The following ADGRB3 variants were observed in gnomAD, a reference collection of about 807,000 sequenced individuals.
The protein encoded by ADGRB3 is adhesion G protein-coupled receptor B3.
ADGRB3 carries 37 observed loss-of-function variants against 193.4 expected under a neutral mutation model. The observed-to-expected ratio is 0.19, with a 90% CI of 0.15 to 0.25. The LOEUF is 0.25. ADGRB3 is among the 10% of genes least tolerant of loss of function. The pLI is 1.00. For missense variants in ADGRB3, 1,637 were observed against 1,852.9 expected, an observed-to-expected ratio of 0.88 and a Z score of 2.14; for synonymous variants, 690 against 644.2, an observed-to-expected ratio of 1.07 and a Z score of -1.08.
intron 3 of ADGRB3, among the ~76,000 whole-genome samples, chr6:68,929,083 A>T (rs1382667434): frequency 6.6e-6 from 1 of 152,190 alleles, no homozygotes; most frequent in Non-Finnish European, 1.5e-5. Flanking sequence ...ACTGAATGGA[A>T]TGAAAGGATG....
At chr6:68,924,433 T>C (rs1380631457) in intron 3 of ADGRB3, among the ~76,000 whole-genome samples, 2 of 152,076 alleles carry the variant, frequency 1.3e-5, no homozygotes, top group Non-Finnish European at 2.9e-5. Flanking sequence ...ATCTATTATA[T>C]GTAATTATTT....
At chr6:68,698,443 A>G (rs1002547078) in intron 3 of ADGRB3, among the ~76,000 whole-genome samples, 2 of 152,014 alleles carry the variant, frequency 1.3e-5, no homozygotes, top group Non-Finnish European at 2.9e-5. Context: ...TTCAAAATAA[A>G]TAGGAACTCT....
chr6:69,113,700 G>C (rs924673748), intron 17 of ADGRB3, among the ~76,000 whole-genome samples: 1 of 152,018 alleles, frequency 6.6e-6, no homozygotes, highest in African/African-American at 2.4e-5. Flanking sequence ...ACATGAATGA[G>C]GCAATTAGTC....
At chr6:69,358,672 C>T (rs918462490) in intron 28 of ADGRB3, among the ~76,000 whole-genome samples, 2 of 151,800 alleles carry the variant, frequency 1.3e-5, no homozygotes, top group Non-Finnish European at 2.9e-5. Context: ...GGCAGCATTT[C>T]CATCTGATCA....
At chr6:68,839,818 GT>G (rs1488493990) in intron 3 of ADGRB3, among the ~76,000 whole-genome samples, 1 of 152,170 alleles carries the variant, frequency 6.6e-6, no homozygotes, top group Non-Finnish European at 1.5e-5. Flanking sequence ...AGGAAAGACA[GT>G]CTTGAATTGC....
At chr6:68,699,169 C>T (rs1248603838) in intron 3 of ADGRB3, among the ~76,000 whole-genome samples, 2 of 152,074 alleles carry the variant, frequency 1.3e-5, no homozygotes, top group Non-Finnish European at 2.9e-5. Context: ...CTGTATTTAA[C>T]AACAATTAGA....
intron 3 of ADGRB3, among the ~76,000 whole-genome samples, chr6:68,827,366 G>T (rs935623872): frequency 6.6e-6 from 1 of 152,040 alleles, no homozygotes; most frequent in African/African-American, 2.4e-5. Context: ...AAGAAAGGAA[G>T]TGATTTTTTA....
chr6:68,955,228 C>T (rs567284583), intron 6 of ADGRB3, among the ~76,000 whole-genome samples: 1 of 152,268 alleles, frequency 6.6e-6, no homozygotes, highest in East Asian at 1.9e-4. Flanking sequence ...TGCCTGAAGC[C>T]TCGGTTTGTC....
At chr6:68,976,307 A>T (rs529995528) in intron 10 of ADGRB3, among the ~76,000 whole-genome samples, 10 of 152,248 alleles carry the variant, frequency 6.6e-5, no homozygotes, top group South Asian at 6.2e-4. Context: ...GCATTTTTTT[A>T]AAATCTGAAA....
chr6:69,256,964 G>A (rs1384585195), intron 20 of ADGRB3, among the ~76,000 whole-genome samples: 4 of 117,754 alleles, frequency 3.4e-5, no homozygotes. Context: ...AGATAATCAT[G>A]TGGTTTTTGT....
At chr6:68,963,550 T>C (rs1055158255) in intron 8 of ADGRB3, among the ~76,000 whole-genome samples, 1 of 152,166 alleles carries the variant, frequency 6.6e-6, no homozygotes. Flanking sequence ...TTATGATATA[T>C]ATTTTAATAT....
intron 17 of ADGRB3, among the ~76,000 whole-genome samples, chr6:69,117,263 G>A (rs1773560285): frequency 6.6e-6 from 1 of 152,094 alleles, no homozygotes. Context: ...CATTAATATA[G>A]TTGCTTGTCA....
At chr6:68,743,349 T>G (rs910627139) in intron 3 of ADGRB3, among the ~76,000 whole-genome samples, 7 of 140,118 alleles carry the variant, frequency 5.0e-5, no homozygotes, top group Non-Finnish European at 8.2e-5. Context: ...TTGTTTTTTT[T>G]TTTGTGTGTG....
chr6:68,987,478 C>T (rs535750897), intron 10 of ADGRB3, among the ~76,000 whole-genome samples: 10 of 152,178 alleles, frequency 6.6e-5, no homozygotes, highest in South Asian at 6.2e-4. Context: ...TTCTCCTTAA[C>T]GCAAACATGG....
At chr6:69,184,631 C>A (rs184634937) in intron 17 of ADGRB3, among the ~76,000 whole-genome samples, 2 of 151,872 alleles carry the variant, frequency 1.3e-5, no homozygotes, top group Non-Finnish European at 2.9e-5. Flanking sequence ...AGAAATTGGA[C>A]TTTTTAGAGA....
At chr6:69,046,376 A>C (rs2150301090) in intron 13 of ADGRB3, among the ~76,000 whole-genome samples, 1 of 152,322 alleles carries the variant, frequency 6.6e-6, no homozygotes, top group South Asian at 2.1e-4. Context: ...AGAGGACTCA[A>C]GAAAGAATGT....
intron 3 of ADGRB3, among the ~76,000 whole-genome samples, chr6:68,912,976 G>T (rs543579172): frequency 5.8e-4 from 89 of 152,272 alleles, no homozygotes; most frequent in African/African-American, 2.1e-3. Flanking sequence ...AGCAGTCTAA[G>T]ATCAAACTGC....
intron 17 of ADGRB3, among the ~76,000 whole-genome samples, chr6:69,200,001 C>A (rs1399111228): frequency 6.6e-6 from 1 of 151,994 alleles, no homozygotes; most frequent in Non-Finnish European, 1.5e-5. Context: ...AAAAGCACAT[C>A]GTTCTGGCAT....
At chr6:69,218,083 A>G (rs1379351662) in intron 17 of ADGRB3, among the ~76,000 whole-genome samples, 2 of 151,402 alleles carry the variant, frequency 1.3e-5, no homozygotes, top group East Asian at 3.8e-4. Flanking sequence ...AAAAAAAAAA[A>G]AAGAAGAAGT....
Sources: allele counts gnomAD v4.1 joint callset (sites outside exome capture counted in the v4.1 genomes callset), GRCh38; gene constraint gnomAD v4.1.1; transcripts MANE v1.5; gene names NCBI Gene and HGNC (gene_info 2026-07-23, HGNC 2026-07-21).